The following ZNF423 variants were observed in gnomAD, a reference collection of about 807,000 sequenced individuals.
The protein encoded by ZNF423 is zinc finger protein 423.
ZNF423 carries 12 observed loss-of-function variants against 95.8 expected under a neutral mutation model. That is an observed-to-expected ratio of 0.13 (90% CI 0.08 to 0.20). The LOEUF (loss-of-function observed/expected upper bound fraction) is 0.20, where lower values mean the gene tolerates loss of function less well. ZNF423 is among the 10% of genes least tolerant of loss of function. ZNF423 has a pLI of 1.00. For synonymous variants in ZNF423, 749 were observed against 711.9 expected, an observed-to-expected ratio of 1.05 and a Z score of -0.83; for missense variants, 1,316 against 1,737.1, an observed-to-expected ratio of 0.76 and a Z score of 4.31.
At chr16:49,857,800 T>A (rs2035387217), upstream of ZNF423, 1 of 152,280 alleles carries the variant, frequency 6.6e-6, no homozygotes. This position sits in a 1 kb window ranked among gnomAD's most constrained non-coding sequence, Gnocchi z 6.2. Context: ...ATAAACCAGC[T>A]GCTACTTTCT....
At chr16:49,801,106 G>C (rs2034575925) in intron 1 of ZNF423, among the ~76,000 whole-genome samples, 1 of 152,216 alleles carries the variant, frequency 6.6e-6, no homozygotes, top group African/African-American at 2.4e-5. Context: ...TTCTAAAACA[G>C]TCCCTCGCAG....
intron 2 of ZNF423, among the ~76,000 whole-genome samples, chr16:49,737,862 G>A (rs2143460229): frequency 6.6e-6 from 1 of 152,346 alleles, no homozygotes. Flanking sequence ...CACCCAGAAG[G>A]ATGCCTCTTC....
intron 5 of ZNF423, among the ~76,000 whole-genome samples, chr16:49,534,157 T>A (rs28751930): frequency 3.3e-5 from 5 of 152,160 alleles, no homozygotes; most frequent in Admixed American, 1.3e-4. Flanking sequence ...GCACAAAAAA[T>A]TTTTAAAATT....
At chr16:49,571,422 A>G (rs555537519) in intron 5 of ZNF423, among the ~76,000 whole-genome samples, 2 of 152,214 alleles carry the variant, frequency 1.3e-5, no homozygotes, top group African/African-American at 4.8e-5. Flanking sequence ...CTCCGAGGGC[A>G]TCAGGCCTGT....
Position 49,636,307 on chromosome 16 carries a change from G to C in ZNF423, c.2869C>G (p.Leu957Val). ...FFSENGLREH[L>V]QTHRGPAKHY... is the part of the protein sequence containing the mutation. ...TTGGCAGGGCCCCGGTGCGTCTGCA[G>C]GTGCTCCCGTAGCCCGTTCTCCGAG... Residue 957 changes from leucine (L) to valine (V), a missense_variant, in exon 4 of 8, where the codon CTG becomes GTG. By Grantham distance (32) the Leu-to-Val change is conservative. Transcript: ENST00000563137. This position sits in a 1 kb window ranked among gnomAD's most constrained non-coding sequence, Gnocchi z 8.6. 1 of 1,612,690 alleles carries C rather than the reference G, an allele frequency of 6.2e-7. No homozygotes were observed. The highest frequency in any genetic ancestry group is 8.5e-7 in the Non-Finnish European group (1 of 1,180,034).
intron 3 of ZNF423, among the ~76,000 whole-genome samples, chr16:49,718,661 A>G (rs2032777953): frequency 6.6e-6 from 1 of 152,180 alleles, no homozygotes; most frequent in Non-Finnish European, 1.5e-5. Context: ...GAGGCCGGGA[A>G]GTCCAAGATC....
At chr16:49,612,176 A>G (rs1971743762) in intron 5 of ZNF423, among the ~76,000 whole-genome samples, 1 of 152,102 alleles carries the variant, frequency 6.6e-6, no homozygotes, top group Non-Finnish European at 1.5e-5. Context: ...GGTCAAAGAC[A>G]GGACAAGAAT....
intron 2 of ZNF423, among the ~76,000 whole-genome samples, chr16:49,783,233 G>C (rs1477657329): frequency 2.0e-5 from 3 of 150,442 alleles, no homozygotes; most frequent in Non-Finnish European, 4.4e-5. Flanking sequence ...GTAGGGTTAG[G>C]GTTAGTACCA....
intron 1 of ZNF423, among the ~76,000 whole-genome samples, chr16:49,791,668 A>G (rs1201853093): frequency 6.6e-6 from 1 of 152,146 alleles, no homozygotes; most frequent in Non-Finnish European, 1.5e-5. Context: ...AAAAAGCACA[A>G]AAAATATGTT....
At chr16:49,697,809 CT>C (rs2032028774) in intron 3 of ZNF423, among the ~76,000 whole-genome samples, 1 of 152,254 alleles carries the variant, frequency 6.6e-6, no homozygotes, top group African/African-American at 2.4e-5. Flanking sequence ...AAAGCCTTAC[CT>C]ACGGTGCGGG....
At chr16:49,555,417 G>A (rs1198068456) in intron 5 of ZNF423, among the ~76,000 whole-genome samples, 5 of 152,218 alleles carry the variant, frequency 3.3e-5, no homozygotes, top group African/African-American at 1.2e-4. Flanking sequence ...CACTTTGTGT[G>A]TAGTATCTTA....
chr16:49,789,114 T>C (rs1018993611), intron 2 of ZNF423, among the ~76,000 whole-genome samples: 3 of 152,080 alleles, frequency 2.0e-5, no homozygotes, highest in African/African-American at 7.2e-5. Context: ...AGAGGAATTC[T>C]GATGTAGACT....
intron 3 of ZNF423, among the ~76,000 whole-genome samples, chr16:49,693,730 T>C (rs2031871618): frequency 6.6e-6 from 1 of 152,196 alleles, no homozygotes; most frequent in Admixed American, 6.5e-5. Context: ...GGCTATGAGC[T>C]TGGGGCCACC....
chr16:49,846,299 C>CAAA (rs11338195), intron 1 of ZNF423, among the ~76,000 whole-genome samples: 10 of 76,336 alleles, frequency 1.3e-4, no homozygotes, highest in Non-Finnish European at 2.2e-4. Context: ...GACTCTGTCT[C>CAAA]AAAAAAAAAA....
chr16:49,753,171 G>C (rs985037538), intron 2 of ZNF423, among the ~76,000 whole-genome samples: 1 of 152,056 alleles, frequency 6.6e-6, no homozygotes, highest in African/African-American at 2.4e-5. Flanking sequence ...TTGAACCCGG[G>C]AGGCAGAGGT....
At chr16:49,617,069 T>A (rs956231929) in intron 5 of ZNF423, among the ~76,000 whole-genome samples, 3 of 152,178 alleles carry the variant, frequency 2.0e-5, no homozygotes, top group Admixed American at 6.5e-5. Context: ...TTCTTTTCAA[T>A]AATACCCTTC....
At chr16:49,796,484 G>A (rs1449274054) in intron 1 of ZNF423, among the ~76,000 whole-genome samples, 1 of 152,212 alleles carries the variant, frequency 6.6e-6, no homozygotes, top group African/African-American at 2.4e-5. Flanking sequence ...ATGGGGTCTG[G>A]AAAAAGGGCC....
At chr16:49,747,910 G>A (rs774387525) in intron 2 of ZNF423, among the ~76,000 whole-genome samples, 6 of 152,210 alleles carry the variant, frequency 3.9e-5, no homozygotes, top group Admixed American at 6.5e-5. Context: ...CCCTCCCTCC[G>A]GTGTGGAGGA....
At chr16:49,678,809 G>A (rs2151935039) in intron 3 of ZNF423, among the ~76,000 whole-genome samples, 1 of 152,306 alleles carries the variant, frequency 6.6e-6, no homozygotes, top group East Asian at 1.9e-4. Flanking sequence ...CACAGTTTGG[G>A]GAAACCAATC....
Sources: gnomAD v4.1 joint callset for allele counts (sites outside exome capture counted in the v4.1 genomes callset) on GRCh38, gnomAD v4.1.1 for gene constraint, Gnocchi (gnomAD v3.1) non-coding constraint, MANE v1.5 for transcripts, NCBI Gene and HGNC (gene_info 2026-07-23, HGNC 2026-07-21) for gene names.